The following IGSF10 variants were observed in gnomAD, a reference collection of about 807,000 sequenced individuals.
IGSF10 encodes immunoglobulin superfamily member 10, also known as calvaria mechanical force protein 608.
A neutral mutation model predicts 128.2 loss-of-function variants in IGSF10; 126 were observed. The observed-to-expected ratio is 0.98, with a 90% CI of 0.85 to 1.14. IGSF10 has a LOEUF of 1.14. Ranked by LOEUF, IGSF10 falls within the 50% of genes most tolerant of loss-of-function variation. The pLI, the probability that IGSF10 is intolerant of heterozygous loss-of-function variation, is 0.00. For missense variants in IGSF10, 3,295 were observed against 3,149.8 expected (o/e 1.05, Z -1.10); for synonymous variants, 1,185 against 1,146.2 (o/e 1.03, Z -0.68).
the IGSF10 span, among the ~76,000 whole-genome samples, chr3:151,543,913 G>A: frequency 2.0e-5 from 3 of 152,046 alleles, no homozygotes; most frequent in Non-Finnish European, 4.4e-5. Context: ...TCTGTCAAAT[G>A]TCTTTTCTTT....
the IGSF10 span, among the ~76,000 whole-genome samples, chr3:151,593,065 C>T: frequency 1.3e-5 from 2 of 152,064 alleles, no homozygotes; most frequent in East Asian, 3.8e-4. Flanking sequence ...AACACTCTGT[C>T]AACATTTTAT....
chr3:151,508,276 A>G, the IGSF10 span, among the ~76,000 whole-genome samples: 1 of 152,176 alleles, frequency 6.6e-6, no homozygotes, highest in Non-Finnish European at 1.5e-5. Context: ...TATGGAAAAC[A>G]TAAAATGAAA....
chr3:151,447,166 T>C lies in IGSF10; in HGVS notation c.2815A>G (p.Thr939Ala). 1 of 1,614,230 alleles carries C rather than the reference T, an allele frequency of 6.2e-7. No individual in the cohort carries two copies. The highest frequency in any genetic ancestry group is 8.5e-7 in the Non-Finnish European group (1 of 1,180,034). ...KDVNVKMLSS[T>A]TNKLLLESVN... ...GACTCTAATAATAGTTTGTTGGTGG[T>C]GCTACTAAGCATTTTGACATTGACA... The change falls in exon 6 of 8, where the codon ACC becomes GCC. Residue 939 changes from threonine (T) to alanine (A), a missense_variant. Physicochemically the swap from Thr to Ala is moderately conservative, Grantham distance 58 (BLOSUM62 0). Coordinates refer to ENST00000282466, the MANE Select transcript of IGSF10 (RefSeq NM_178822.5).
the IGSF10 span, among the ~76,000 whole-genome samples, chr3:151,531,645 G>C: frequency 6.6e-6 from 1 of 151,798 alleles, no homozygotes; most frequent in East Asian, 1.9e-4. Flanking sequence ...TGAGAACAAA[G>C]ACACAACATA....
At chr3:151,615,660 A>G in the IGSF10 span, among the ~76,000 whole-genome samples, 1 of 152,212 alleles carries the variant, frequency 6.6e-6, no homozygotes, top group Admixed American at 6.5e-5. Flanking sequence ...GGAAGGAAAT[A>G]TGAAGCGCTG....
the IGSF10 span, among the ~76,000 whole-genome samples, chr3:151,493,645 G>T: frequency 6.6e-6 from 1 of 151,962 alleles, no homozygotes; most frequent in Non-Finnish European, 1.5e-5. Flanking sequence ...ATTCCACATA[G>T]CCTAGGTGTA....
At position 151,446,685 on chromosome 3, in the gene IGSF10, G is replaced by T. The variant is rs560889574; in HGVS notation, c.3296C>A (p.Ser1099Ter). Residue 1099 changes from serine to a stop codon, truncating the protein, a stop_gained, in exon 6 of 8, where the codon TCA (serine) becomes TAA (stop). Transcript: ENST00000282466. LOFTEE classifies it high-confidence loss of function. The part of the protein sequence containing the change: ...FPKADIARVP[S>*]EESTTLVQNP... ...CTGGACTAGAGTTGTAGACTCTTCT[G>T]ATGGGACTCTAGCAATGTCAGCTTT... 45 of 1,613,834 alleles carry T rather than the reference G, an allele frequency of 2.8e-5. No homozygotes were observed. Among genetic ancestry groups the T allele is most frequent in the Admixed American group, 6.7e-5 (4 of 60,006 alleles).
the IGSF10 span, among the ~76,000 whole-genome samples, chr3:151,514,352 A>G: frequency 1.3e-5 from 2 of 152,234 alleles, no homozygotes; most frequent in Admixed American, 1.3e-4. Flanking sequence ...CAAACCTGAG[A>G]AAAACAAGCA....
the IGSF10 span, among the ~76,000 whole-genome samples, chr3:151,597,872 G>A: frequency 2.6e-5 from 4 of 151,264 alleles, no homozygotes; most frequent in South Asian, 2.1e-4. Flanking sequence ...AGCCGAGGTC[G>A]CACCACTGCC....
chr3:151,446,801 A>T lies in IGSF10; in HGVS notation c.3180T>A (p.Asn1060Lys), dbSNP rs1365174952. 3 of 1,614,152 alleles carry T rather than the reference A, an allele frequency of 1.9e-6. No individual in the cohort carries two copies. The highest frequency in any genetic ancestry group is 2.5e-6 in the Non-Finnish European group (3 of 1,180,020). Residue 1060 changes from asparagine to lysine, a missense_variant, in exon 6 of 8, where the codon AAT (asparagine) becomes AAA (lysine). Physicochemically the swap from Asn to Lys is moderately conservative, Grantham distance 94. Transcript: ENST00000282466. ...STTAFSATVLNVTCLSCLPRE... is the reference protein window; with the variant it reads ...STTAFSATVLKVTCLSCLPRE... ...TGGGAAGACAGGACAGACATGTCAC[A>T]TTGAGCACTGTGGCTGAGAATGCAG... is the stretch of plus-strand genomic sequence containing the variant.
At chr3:151,517,675 G>A in the IGSF10 span, among the ~76,000 whole-genome samples, 72 of 152,052 alleles carry the variant, frequency 4.7e-4, no homozygotes, top group African/African-American at 1.5e-3. Context: ...GAATCTGACC[G>A]AAAGGGAGGA....
At position 151,453,631 on chromosome 3, in the gene IGSF10, G is replaced by A; in HGVS notation, c.468C>T (p.Arg156=). 6.2e-7 allele frequency: 1 copy of A among 1,614,030 alleles called. No homozygotes were observed. The highest frequency in any genetic ancestry group is 1.3e-5 in the African/African-American group (1 of 75,000). ...GCTGATTTCCTTCCAAGTGCACCAG[G>A]CGGAGAAAGTTGAGCCCATAAAAAA... The part of the protein sequence containing the change: ...PEVFYGLNFL[R]LVHLEGNQLT... The change falls in exon 5 of 8, where the codon CGC becomes CGT. Residue 156 remains arginine (R), a synonymous_variant. Transcript: ENST00000282466.
chr3:151,446,055 T>A lies in IGSF10; in HGVS notation c.3926A>T (p.Lys1309Ile). ...TGCTGTTTGCGTTGATATGATGCTT[T>A]TTGTACTTGAGTCTTTGCTTATAAT... Reference protein sequence around the residue: ...PSIISKDSSTKSIISTQTAIP... With the variant: ...PSIISKDSSTISIISTQTAIP... Residue 1309 changes from lysine (K) to isoleucine (I), a missense_variant, in exon 6 of 8, where the codon AAA (lysine) becomes ATA (isoleucine). Physicochemically the swap from Lys to Ile is moderately radical, Grantham distance 102. Transcript: ENST00000282466. 6.2e-7 allele frequency: 1 copy of A among 1,614,130 alleles called. No individual in the cohort carries two copies. The highest frequency in any genetic ancestry group is 8.5e-7 in the Non-Finnish European group (1 of 1,180,018).
chr3:151,534,737 G>A, the IGSF10 span, among the ~76,000 whole-genome samples: 4 of 151,562 alleles, frequency 2.6e-5, no homozygotes, highest in South Asian at 6.3e-4. Context: ...AAGCCACCAC[G>A]GCATGTGTGT....
At chr3:151,474,906 G>C in the IGSF10 span, among the ~76,000 whole-genome samples, 4 of 152,110 alleles carry the variant, frequency 2.6e-5, no homozygotes, top group Non-Finnish European at 4.4e-5. Context: ...GAACAACATG[G>C]GAAAGACTTT....
rs116676880 is a variant in IGSF10, at chr3:151,453,899, C to G, written c.325-125G>C. The stretch of plus-strand genomic sequence containing the variant: ...TGCAATTTATATACCTTCTTAGGAT[C>G]CCAATTCAATCAAATTCATTGCAAA... On this transcript the variant is annotated intron_variant, in intron 4 of 7. Coordinates refer to ENST00000282466, the MANE Select transcript of IGSF10 (RefSeq NM_178822.5). 2,661 of 556,804 alleles carry G rather than the reference C, an allele frequency of 4.8e-3. 48 individuals carry two copies. The highest frequency in any genetic ancestry group is 0.045 in the African/African-American group (2,365 of 52,790). The allele number at this position is 556,804 out of a possible 1,614,324, so 34.5% of individuals were successfully genotyped here.
At chr3:151,553,779 C>T in the IGSF10 span, among the ~76,000 whole-genome samples, 1 of 151,580 alleles carries the variant, frequency 6.6e-6, no homozygotes, top group South Asian at 2.1e-4. Flanking sequence ...TCAGTCAAAC[C>T]CTATGTTGAA....
At chr3:151,521,279 T>G in the IGSF10 span, among the ~76,000 whole-genome samples, 1 of 151,946 alleles carries the variant, frequency 6.6e-6, no homozygotes, top group African/African-American at 2.4e-5. Context: ...AGTGGGAGAC[T>G]TCTATACTCC....
chr3:151,483,324 G>A, the IGSF10 span, among the ~76,000 whole-genome samples: 2 of 152,210 alleles, frequency 1.3e-5, no homozygotes, highest in East Asian at 3.9e-4. Flanking sequence ...AAAACCTAGA[G>A]TTTCATTATG....
Sources: allele counts gnomAD v4.1 joint callset (sites outside exome capture counted in the v4.1 genomes callset), GRCh38; gene constraint gnomAD v4.1.1; transcripts MANE v1.5; gene names NCBI Gene and HGNC (gene_info 2026-07-23, HGNC 2026-07-21).